Variants in AGBL4 observed in about 807,000 individuals in gnomAD.
The protein encoded by AGBL4 is AGBL carboxypeptidase 4.
Under a neutral mutation model 66.4 loss-of-function variants are expected in AGBL4, and 58 were observed. That is an observed-to-expected ratio of 0.87 (90% CI 0.71 to 1.09). AGBL4 has a LOEUF of 1.09. Ranked by LOEUF, AGBL4 falls within the 50% of genes least tolerant of loss-of-function variation. The pLI, the probability that AGBL4 is intolerant of heterozygous loss-of-function variation, is 0.00. For synonymous variants in AGBL4, 234 were observed against 222.9 expected (o/e 1.05, Z -0.44); for missense variants, 579 against 631.0 (o/e 0.92, Z 0.88).
chr1:49,268,078 A>G (rs918897074), intron 3 of AGBL4: 8 of 152,166 alleles, frequency 5.3e-5, no homozygotes, highest in Non-Finnish European at 1.0e-4. Context: ...TATTTATTAA[A>G]CAGGTTCTCC....
chr1:48,737,221 T>C (rs1033606185), intron 6 of AGBL4, among the ~76,000 whole-genome samples: 2 of 152,050 alleles, frequency 1.3e-5, no homozygotes, highest in Admixed American at 1.3e-4. Flanking sequence ...GAGGAAGAGG[T>C]TGCAGTGAGC....
intron 2 of AGBL4, among the ~76,000 whole-genome samples, chr1:49,721,194 A>C (rs1213174512): frequency 6.6e-6 from 1 of 152,160 alleles, no homozygotes; most frequent in Non-Finnish European, 1.5e-5. Flanking sequence ...CACTCTGATA[A>C]GACAAAAACA....
chr1:49,392,696 T>TAC (rs1431125040), intron 3 of AGBL4, among the ~76,000 whole-genome samples: 8 of 96,276 alleles, frequency 8.3e-5, no homozygotes, highest in African/African-American at 3.5e-4. Context: ...TTCAACTGTG[T>TAC]ATACACACAC....
chr1:48,586,925 C>T, intron 11 of AGBL4, 79 bp downstream of exon 11: 3 of 1,571,920 alleles, frequency 1.9e-6, no homozygotes, highest in South Asian at 1.2e-5. Context: ...GAGCTGGGGG[C>T]CTAATTCCTG....
At chr1:48,741,712 A>G (rs1649937175) in intron 6 of AGBL4, among the ~76,000 whole-genome samples, 1 of 152,238 alleles carries the variant, frequency 6.6e-6, no homozygotes, top group South Asian at 2.1e-4. Context: ...CCTAACAGAG[A>G]ATGATACTAA....
intron 4 of AGBL4, among the ~76,000 whole-genome samples, chr1:49,082,426 C>T (rs1257804658): frequency 6.6e-6 from 1 of 152,130 alleles, no homozygotes; most frequent in African/African-American, 2.4e-5. Flanking sequence ...GCTGGGAAGG[C>T]CTCACAATCA....
At chr1:49,690,545 A>G (rs561174418) in intron 3 of AGBL4, among the ~76,000 whole-genome samples, 33 of 152,284 alleles carry the variant, frequency 2.2e-4, no homozygotes, top group African/African-American at 7.9e-4. Flanking sequence ...AGTTCCTTTC[A>G]GCTTCTTCAA....
chr1:49,925,989 T>C (rs1487998118), intron 1 of AGBL4, among the ~76,000 whole-genome samples: 4 of 152,186 alleles, frequency 2.6e-5, no homozygotes, highest in Admixed American at 2.6e-4. Flanking sequence ...CTGTCTGGCT[T>C]TGCCACCTGC....
chr1:49,145,070 C>A (rs926606489), intron 4 of AGBL4, among the ~76,000 whole-genome samples: 1 of 152,026 alleles, frequency 6.6e-6, no homozygotes, highest in Non-Finnish European at 1.5e-5. Flanking sequence ...GAAAGGGAAA[C>A]AATAGCAGCA....
At chr1:49,475,425 C>T (rs1646827734) in intron 3 of AGBL4, among the ~76,000 whole-genome samples, 1 of 151,754 alleles carries the variant, frequency 6.6e-6, no homozygotes. Context: ...GACTTTGGCA[C>T]CAAGATGATA....
chr1:49,256,094 C>A (rs2148347427), intron 3 of AGBL4, among the ~76,000 whole-genome samples: 1 of 152,250 alleles, frequency 6.6e-6, no homozygotes, highest in Non-Finnish European at 1.5e-5. Context: ...ATCTGTGCAG[C>A]AAACCCTCAT....
chr1:48,905,355 T>A (rs1185030779), intron 5 of AGBL4, among the ~76,000 whole-genome samples: 1 of 152,204 alleles, frequency 6.6e-6, no homozygotes, highest in Non-Finnish European at 1.5e-5. Flanking sequence ...CAACAATGTT[T>A]GGTAACAAAT....
intron 5 of AGBL4, among the ~76,000 whole-genome samples, chr1:48,902,076 A>G (rs1014722594): frequency 6.6e-6 from 1 of 152,194 alleles, no homozygotes; most frequent in Non-Finnish European, 1.5e-5. Flanking sequence ...TCATGAGAAC[A>G]GCACAGGAAA....
At chr1:49,307,334 A>T (rs1304269730) in intron 3 of AGBL4, among the ~76,000 whole-genome samples, 1 of 152,092 alleles carries the variant, frequency 6.6e-6, no homozygotes, top group Non-Finnish European at 1.5e-5. Flanking sequence ...CAAAAACAAA[A>T]ACAAAAACAA....
At chr1:48,911,614 C>T (rs1256188084) in intron 5 of AGBL4, among the ~76,000 whole-genome samples, 11 of 137,508 alleles carry the variant, frequency 8.0e-5, no homozygotes, top group South Asian at 4.6e-4. Context: ...AGCAAAACTC[C>T]GTCTCAAAAA....
chr1:49,653,806 G>C (rs1466350892), intron 3 of AGBL4, among the ~76,000 whole-genome samples: 1 of 151,584 alleles, frequency 6.6e-6, no homozygotes, highest in African/African-American at 2.4e-5. Flanking sequence ...CAAAACCTCC[G>C]AGAACTATGG....
chr1:49,011,685 C>G (rs1278630767), intron 5 of AGBL4, among the ~76,000 whole-genome samples: 1 of 152,028 alleles, frequency 6.6e-6, no homozygotes, highest in Non-Finnish European at 1.5e-5. Flanking sequence ...TGTACACCAT[C>G]GAATCCTATG....
At chr1:48,694,180 A>G (rs1438915187) in intron 6 of AGBL4, among the ~76,000 whole-genome samples, 2 of 152,052 alleles carry the variant, frequency 1.3e-5, no homozygotes, top group Non-Finnish European at 2.9e-5. Context: ...CTGGTGCACA[A>G]ACGAGCGTAC....
intron 9 of AGBL4, among the ~76,000 whole-genome samples, chr1:48,623,273 C>G (rs1019597248): frequency 6.6e-6 from 1 of 152,184 alleles, no homozygotes. Flanking sequence ...CAAGTGAAAG[C>G]AAGCCTAGAA....
Sources: gnomAD v4.1 joint callset for allele counts (sites outside exome capture counted in the v4.1 genomes callset) on GRCh38, gnomAD v4.1.1 for gene constraint, MANE v1.5 for transcripts, NCBI Gene and HGNC (gene_info 2026-07-23, HGNC 2026-07-21) for gene names.